SPRY4: variants seen among roughly 807,000 people sequenced by gnomAD.
SPRY4 encodes the protein protein sprouty homolog 4.
SPRY4 carries 7 observed loss-of-function variants against 17.0 expected under a neutral mutation model. That is an observed-to-expected ratio of 0.41 (90% CI 0.23 to 0.77). The LOEUF (loss-of-function observed/expected upper bound fraction) is 0.77. Among genes scored for constraint, SPRY4 ranks in the 30% least tolerant of loss-of-function variants. The pLI is 0.32. For missense variants in SPRY4, 435 were observed against 419.9 expected, an observed-to-expected ratio of 1.04 and a Z score of -0.31; for synonymous variants, 183 against 174.1, an observed-to-expected ratio of 1.05 and a Z score of -0.40.
At position 142,314,931 on chromosome 5, in the gene SPRY4, G is replaced by A. The variant is rs545592714; in HGVS notation, c.178C>T (p.Leu60=). The A allele has an allele frequency of 1.7e-5, 27 of 1,613,374 alleles. No individual in the cohort carries two copies. In the African/African-American group the frequency reaches 3.2e-4, roughly 19 times the overall value. ...CGGGTCCGCTTTGGGCCGGTGGTCA[G>A]GGCCAGGCTAGGGTTGTCTATGTAG... ...NDYIDNPSLA[L]TTGPKRTRGG... is the part of the protein sequence containing the mutation. Residue 60 remains leucine (L), a synonymous_variant, in exon 2 of 2, where the codon CTG becomes TTG. Coordinates refer to ENST00000434127, the MANE Select transcript of SPRY4 (RefSeq NM_001127496.3). The surrounding 1 kb of genome is among the most constrained non-coding windows in gnomAD (Gnocchi z 4.8).
chr5:142,319,782 C>G, intron 1 of SPRY4: 1 of 1,611,768 alleles, frequency 6.2e-7, no homozygotes, highest in Non-Finnish European at 8.5e-7. Context: ...GCAAACCGCT[C>G]AATACAGGCT....
intron 1 of SPRY4, among the ~76,000 whole-genome samples, chr5:142,322,077 C>T (rs1759359829): frequency 6.6e-6 from 1 of 152,220 alleles, no homozygotes; most frequent in South Asian, 2.1e-4. Flanking sequence ...TCAGCCAAAC[C>T]TCTGGTTTAC....
intron 1 of SPRY4, among the ~76,000 whole-genome samples, chr5:142,316,771 C>T (rs886696624): frequency 1.3e-5 from 2 of 152,304 alleles, no homozygotes; most frequent in Non-Finnish European, 1.5e-5. Flanking sequence ...GGGCTATCCA[C>T]GGGGCTCCAG....
At chr5:142,321,947 C>T (rs1172787697) in intron 1 of SPRY4, among the ~76,000 whole-genome samples, 1 of 152,244 alleles carries the variant, frequency 6.6e-6, no homozygotes, top group African/African-American at 2.4e-5. Flanking sequence ...AATCCCAGAG[C>T]AACACAGCTC....
rs1411052240 is a variant in SPRY4 at position 142,313,927 on chromosome 5, A to G, written c.*282T>C. On this transcript the variant is annotated 3_prime_UTR_variant, in exon 2 of 2. Coordinates refer to ENST00000434127, the MANE Select transcript of SPRY4 (RefSeq NM_001127496.3). Reference sequence around the variant, plus strand: ...TCCACATCTGTGTTCTGTCTTCTGAAAAAGAAAAATTTCCCCCCAAACCAC... The same window carrying G: ...TCCACATCTGTGTTCTGTCTTCTGAGAAAGAAAAATTTCCCCCCAAACCAC... 4.6e-6 allele frequency: 2 copies of G among 433,052 alleles called. No individual in the cohort carries two copies. Among genetic ancestry groups the G allele is most frequent in the Non-Finnish European group, 8.3e-6 (2 of 239,590 alleles). The allele number at this position is 433,052 out of a possible 1,614,324, so 26.8% of individuals were successfully genotyped here. A position where few individuals can be genotyped will look rare whatever the true frequency, so the allele number is the denominator to read the frequency against.
At chr5:142,322,955 C>G (rs1211946972) in intron 1 of SPRY4, among the ~76,000 whole-genome samples, 1 of 151,838 alleles carries the variant, frequency 6.6e-6, no homozygotes, top group Non-Finnish European at 1.5e-5. Flanking sequence ...AGTTCTTTCC[C>G]ACCCTTCTGG....
intron 1 of SPRY4, among the ~76,000 whole-genome samples, chr5:142,318,889 C>T (rs1173828907): frequency 6.6e-6 from 1 of 152,144 alleles, no homozygotes; most frequent in Non-Finnish European, 1.5e-5. Context: ...CTAATATTTA[C>T]GAAACATTTC....
chr5:142,323,287 CG>C (rs1352543802), intron 1 of SPRY4, among the ~76,000 whole-genome samples: 1 of 152,116 alleles, frequency 6.6e-6, no homozygotes, highest in Non-Finnish European at 1.5e-5. Flanking sequence ...CAGACACAGA[CG>C]AGTGCTTGCT....
At chr5:142,317,767 A>G in intron 1 of SPRY4, 2 of 985,360 alleles carry the variant, frequency 2.0e-6, no homozygotes, top group Non-Finnish European at 2.4e-6. Context: ...TCCCACCAGG[A>G]AGCCAGGATG....
chr5:142,314,249 C>G lies in SPRY4; in HGVS notation c.860G>C (p.Ser287Thr). 6.2e-7 allele frequency: 1 copy of G among 1,612,488 alleles called. No homozygotes were observed. Among genetic ancestry groups the G allele is most frequent in the Non-Finnish European group, 8.5e-7 (1 of 1,179,642 alleles). ...GGGCCTGCTGGTCTTGGCATCCCCG[C>G]TGGCTGCTTTGCAGATGACGCTGTT... Reference protein sequence around the residue: ...HTNSVICKAASGDAKTSRPDK... With the variant: ...HTNSVICKAATGDAKTSRPDK... The change falls in exon 2 of 2, where the codon AGC (serine) becomes ACC (threonine). Residue 287 changes from serine (S) to threonine (T), a missense_variant. By Grantham distance (58) the Ser-to-Thr change is moderately conservative (BLOSUM62 1). Transcript: ENST00000434127. This position sits in a 1 kb window ranked among gnomAD's most constrained non-coding sequence, Gnocchi z 4.8.
chr5:142,315,214 T>C, intron 1 of SPRY4, 59 bp from the exon 2 acceptor site: 2 of 1,115,810 alleles, frequency 1.8e-6, no homozygotes, highest in Non-Finnish European at 2.5e-6. Flanking sequence ...GTATGTGGCC[T>C]GCCAATACCT....
chr5:142,315,474 T>C (rs886577779), intron 1 of SPRY4: 1 of 272,238 alleles, frequency 3.7e-6, no homozygotes, highest in African/African-American at 2.2e-5. Context: ...AAAGACATGT[T>C]GAAATTAATT....
At chr5:142,321,010 G>A (rs1759328417) in intron 1 of SPRY4, among the ~76,000 whole-genome samples, 2 of 152,188 alleles carry the variant, frequency 1.3e-5, no homozygotes, top group South Asian at 4.1e-4. Context: ...ACTGGGGCCT[G>A]TCCTTGGAAA....
At chr5:142,315,224 T>C in intron 1 of SPRY4, 69 bp from the exon 2 acceptor site, 1 of 1,016,128 alleles carries the variant, frequency 9.8e-7, no homozygotes, top group Non-Finnish European at 1.4e-6. Flanking sequence ...TGCCAATACC[T>C]CACCCCCCAT....
At chr5:142,323,224 C>T (rs1596876975) in intron 1 of SPRY4, among the ~76,000 whole-genome samples, 1 of 152,184 alleles carries the variant, frequency 6.6e-6, no homozygotes, top group Non-Finnish European at 1.5e-5. Context: ...CTTATACCTT[C>T]CAGCTTTGAA....
intron 1 of SPRY4, among the ~76,000 whole-genome samples, chr5:142,316,029 A>T (rs1421377030): frequency 1.3e-5 from 2 of 152,182 alleles, no homozygotes; most frequent in Non-Finnish European, 2.9e-5. Flanking sequence ...ACCACTTCTT[A>T]AGAGCAGCAA....
rs1475681502 is a variant in SPRY4, at chr5:142,314,051, G to A, written c.*158C>T. ...CACCTTGGGGAATACAGGGTACGTGGTGGTGGTCTCTGTATTTTCCGAAGC... is the reference window on the plus strand; with the variant it reads ...CACCTTGGGGAATACAGGGTACGTGATGGTGGTCTCTGTATTTTCCGAAGC... On this transcript the variant is annotated 3_prime_UTR_variant, in exon 2 of 2. Transcript: ENST00000434127. The surrounding 1 kb of genome is among the most constrained non-coding windows in gnomAD (Gnocchi z 4.8). The A allele has an allele frequency of 5.5e-6, 4 of 725,374 alleles. No homozygotes were observed. The Admixed American group carries it at 1.2e-4, about 21-fold the overall frequency. 44.9% of individuals were successfully genotyped at this position (725,374 alleles called of 1,614,324 possible).
rs1172911715 is a variant in SPRY4, at chr5:142,315,074, G to A, written c.35C>T (p.Thr12Ile). ...EPPIPQSAPL[T>I]PNSVMVQPLL... ...GGGCTGGACCATGACTGAGTTGGGA[G>A]TCAAGGGGGCGCTCTGTGGGATCGG... The change falls in exon 2 of 2, where the codon ACT becomes ATT. Residue 12 changes from threonine (T) to isoleucine (I), a missense_variant. Physicochemically the swap from Thr to Ile is moderately conservative, Grantham distance 89. Transcript: ENST00000434127. 4 of 1,613,136 alleles carry A rather than the reference G, an allele frequency of 2.5e-6. No individual in the cohort carries two copies. The highest frequency in any genetic ancestry group is 1.3e-5 in the African/African-American group (1 of 74,844).
Position 142,314,162 on chromosome 5 carries a change from A to G in SPRY4, c.*47T>C. On this transcript the variant is annotated 3_prime_UTR_variant, in exon 2 of 2. Coordinates refer to ENST00000434127, the MANE Select transcript of SPRY4 (RefSeq NM_001127496.3). The surrounding 1 kb of genome is among the most constrained non-coding windows in gnomAD (Gnocchi z 4.8). ...TGCTGCAGTCTTCTTAGATGTCAGA[A>G]GAGAACCAGGTTTCCAGGCAGAGCA... 6.4e-7 allele frequency: 1 copy of G among 1,554,418 alleles called. No homozygotes were observed. Among genetic ancestry groups the G allele is most frequent in the Non-Finnish European group, 8.7e-7 (1 of 1,152,726 alleles).
Sources: allele counts gnomAD v4.1 joint callset (sites outside exome capture counted in the v4.1 genomes callset), GRCh38; gene constraint gnomAD v4.1.1; non-coding constraint Gnocchi (gnomAD v3.1); transcripts MANE v1.5; gene names NCBI Gene and HGNC (gene_info 2026-07-23, HGNC 2026-07-21).